The following ZFP14 variants were observed in gnomAD, a reference collection of about 807,000 sequenced individuals.
The protein encoded by ZFP14 is zinc finger protein 14 homolog.
A neutral mutation model predicts 54.5 loss-of-function variants in ZFP14; 22 were observed. The ratio of observed to expected loss-of-function variants is 0.40; its 90% CI spans 0.29 to 0.58. ZFP14 has a LOEUF of 0.58. Ranked by LOEUF, ZFP14 falls within the 20% of genes least tolerant of loss-of-function variation. The probability of loss-of-function intolerance (pLI) is 0.39; values close to 1 mark genes in which losing one functional copy is unlikely to be tolerated. For synonymous variants in ZFP14, 159 were observed against 204.0 expected (o/e 0.78, Z 1.88); for missense variants, 470 against 637.8 (o/e 0.74, Z 2.83).
intron 1 of ZFP14, among the ~76,000 whole-genome samples, chr19:36,370,614 A>C (rs1237465932): frequency 6.6e-6 from 1 of 152,252 alleles, no homozygotes; most frequent in Admixed American, 6.5e-5. Flanking sequence ...AGCGTGCCCC[A>C]GCACTGCACC....
At chr19:36,363,490 C>T (rs1289053568) in intron 2 of ZFP14, among the ~76,000 whole-genome samples, 3 of 151,902 alleles carry the variant, frequency 2.0e-5, no homozygotes, top group African/African-American at 7.2e-5. Flanking sequence ...CCACCGCGCC[C>T]GGCCCCCTGT....
chr19:36,349,526 C>T (rs1350922372), intron 4 of ZFP14, among the ~76,000 whole-genome samples: 3 of 150,518 alleles, frequency 2.0e-5, no homozygotes, highest in Non-Finnish European at 3.0e-5. Context: ...ATTAGCCAGG[C>T]GTGGTGGTGT....
chr19:36,358,045 GATCTATCTATCT>G lies in ZFP14; in HGVS notation c.235+2378_235+2389del, dbSNP rs34306634. Among the ~76,000 whole-genome samples, 114 of 141,758 alleles carry G rather than the reference GATCTATCTATCT, an allele frequency of 8.0e-4. No individual in the cohort carries two copies. In the South Asian group the frequency reaches 8.4e-3, roughly 10 times the overall value. The allele number at this position is 141,758 out of a possible 152,430, so 93.0% of individuals were successfully genotyped here. A position where few individuals can be genotyped will look rare whatever the true frequency, so the allele number is the denominator to read the frequency against. On this transcript the variant is annotated intron_variant, in intron 4 of 4. Transcript: ENST00000270001. ...GGCATGAGCCACCATGCCCGGCTCT[GATCTATCTATCT>G]ATCTATCTATCTATCTATCTATCTA...
rs1403368170 is a variant in ZFP14 at position 36,340,567 on chromosome 19, C to A, written c.1259G>T (p.Gly420Val). Residue 420 changes from glycine (G) to valine (V), a missense_variant, in exon 5 of 5, where the codon GGT becomes GTT. Physicochemically the swap from Gly to Val is moderately radical, Grantham distance 109 (BLOSUM62 -3). Coordinates refer to ENST00000270001, the MANE Select transcript of ZFP14 (RefSeq NM_020917.3). The surrounding 1 kb of genome is among the most constrained non-coding windows in gnomAD (Gnocchi z 5.4). ...CTCTTCACATTCATAGGGTCTCTCA[C>A]CAATATGAATGCTCTGGTGTGAAAT... ...QLISHQSIHIGERPYECEECG... is the reference protein window; with the variant it reads ...QLISHQSIHIVERPYECEECG... 6.2e-7 allele frequency: 1 copy of A among 1,613,926 alleles called. No individual in the cohort carries two copies. Among genetic ancestry groups the A allele is most frequent in the Non-Finnish European group, 8.5e-7 (1 of 1,179,982 alleles).
intron 4 of ZFP14, among the ~76,000 whole-genome samples, chr19:36,356,447 A>G (rs2031615513): frequency 6.6e-6 from 1 of 151,946 alleles, no homozygotes; most frequent in African/African-American, 2.4e-5. Flanking sequence ...AAAGAAAGAA[A>G]TTAATGTTGG....
intron 4 of ZFP14, chr19:36,360,009 C>T (rs1418104462): frequency 1.3e-5 from 2 of 152,192 alleles, no homozygotes; most frequent in Non-Finnish European, 2.9e-5. Context: ...CTCTTTCATT[C>T]CTGATGTTAG....
At chr19:36,357,748 GTTTTTT>G (rs113818091) in intron 4 of ZFP14, among the ~76,000 whole-genome samples, 86 of 142,382 alleles carry the variant, frequency 6.0e-4, no homozygotes, top group African/African-American at 2.2e-3. Context: ...TTTGTTTTTT[GTTTTTT>G]TTTTTGAGAT....
chr19:36,341,239 C>G lies in ZFP14; in HGVS notation c.587G>C (p.Gly196Ala). The part of the protein sequence containing the change: ...TLSQHLRIHT[G>A]EKPYKCKECG... ...TTCCTTACACTTATAAGGTTTCTCA[C>G]CAGTATGAATTCTCAGGTGTTGACT... is the stretch of plus-strand genomic sequence containing the variant. Residue 196 changes from glycine to alanine, a missense_variant, in exon 5 of 5, where the codon GGT becomes GCT. Physicochemically the swap from Gly to Ala is moderately conservative, Grantham distance 60 (BLOSUM62 0). Transcript: ENST00000270001. The surrounding 1 kb of genome is among the most constrained non-coding windows in gnomAD (Gnocchi z 4.2). The G allele has an allele frequency of 6.2e-7, 1 of 1,614,156 alleles. No homozygotes were observed. Among genetic ancestry groups the G allele is most frequent in the Non-Finnish European group, 8.5e-7 (1 of 1,180,032 alleles).
At chr19:36,344,141 T>C (rs1267411094) in intron 4 of ZFP14, among the ~76,000 whole-genome samples, 1 of 152,184 alleles carries the variant, frequency 6.6e-6, no homozygotes, top group African/African-American at 2.4e-5. Context: ...TAGCTGGGAT[T>C]ACAGGCACCC....
intron 4 of ZFP14, among the ~76,000 whole-genome samples, chr19:36,354,254 C>G (rs1378566446): frequency 7.2e-6 from 1 of 138,300 alleles, no homozygotes; most frequent in East Asian, 2.1e-4. Context: ...ACCTGTAATC[C>G]CAGCTACTTA....
At chr19:36,355,362 A>G (rs2031596037) in intron 4 of ZFP14, among the ~76,000 whole-genome samples, 1 of 142,204 alleles carries the variant, frequency 7.0e-6, no homozygotes, top group African/African-American at 2.6e-5. Flanking sequence ...GTCCTAATCC[A>G]CTAGAATTAC....
rs1455342608 is a variant in ZFP14, at chr19:36,360,986, T to G, written c.137-453A>C. On this transcript the variant is annotated intron_variant, in intron 3 of 4. Transcript: ENST00000270001. Reference sequence around the variant, plus strand: ...CGTTGTTGTGAGGGTTAATTAATAATGAACAATGCTTAGAATAATGTTTAA... The same window carrying G: ...CGTTGTTGTGAGGGTTAATTAATAAGGAACAATGCTTAGAATAATGTTTAA... Among the ~76,000 whole-genome samples the G allele has an allele frequency of 9.8e-5, 15 of 152,326 alleles. No individual in the cohort carries two copies. In the East Asian group the frequency reaches 2.5e-3, roughly 25 times the overall value.
chr19:36,370,179 A>T (rs978297807), intron 1 of ZFP14, among the ~76,000 whole-genome samples: 3 of 152,206 alleles, frequency 2.0e-5, no homozygotes, highest in Non-Finnish European at 4.4e-5. Flanking sequence ...TAAGAAAAGA[A>T]GCATTGAAGA....
rs775139365 is a variant in ZFP14, at chr19:36,341,009, G to A, written c.817C>T (p.Arg273Ter). The change falls in exon 5 of 5, where the codon CGA becomes TGA. Residue 273 changes from arginine to a stop codon, truncating the protein, a stop_gained. Coordinates refer to ENST00000270001, the MANE Select transcript of ZFP14 (RefSeq NM_020917.3). LOFTEE classifies it high-confidence loss of function. The surrounding 1 kb of genome is among the most constrained non-coding windows in gnomAD (Gnocchi z 4.2). ...KAFRVHQQLA[R>*]HQRIHTGEKP... ...TCACCAGTGTGAATTCTCTGATGTCGAGCCAGTTGCTGATGTACTCTAAAG... is the reference window on the plus strand; with the variant it reads ...TCACCAGTGTGAATTCTCTGATGTCAAGCCAGTTGCTGATGTACTCTAAAG... 5 of 1,613,902 alleles carry A rather than the reference G, an allele frequency of 3.1e-6. No individual in the cohort carries two copies. Among genetic ancestry groups the A allele is most frequent in the Admixed American group, 3.3e-5 (2 of 60,002 alleles).
At chr19:36,358,869 T>G (rs1371814895) in intron 4 of ZFP14, among the ~76,000 whole-genome samples, 1 of 152,200 alleles carries the variant, frequency 6.6e-6, no homozygotes, top group Admixed American at 6.6e-5. Context: ...TGGATGAACC[T>G]ATTCATGGAT....
intron 4 of ZFP14, among the ~76,000 whole-genome samples, chr19:36,358,869 T>C (rs1371814895): frequency 2.0e-5 from 3 of 152,200 alleles, no homozygotes; most frequent in Non-Finnish European, 4.4e-5. Context: ...TGGATGAACC[T>C]ATTCATGGAT....
chr19:36,371,092 C>G (rs2031870863), intron 1 of ZFP14, among the ~76,000 whole-genome samples: 1 of 152,094 alleles, frequency 6.6e-6, no homozygotes. Context: ...GAAACCCCAT[C>G]TCTACTAAAA....
chr19:36,360,622 A>G (rs1006849963), intron 3 of ZFP14, 89 bp from the exon 4 acceptor site: 4 of 1,178,782 alleles, frequency 3.4e-6, no homozygotes, highest in African/African-American at 3.1e-5. Flanking sequence ...CTACAGATCA[A>G]TATGGCACTT....
intron 4 of ZFP14, 76 bp downstream of exon 4, chr19:36,360,359 G>T: frequency 7.6e-7 from 1 of 1,322,092 alleles, no homozygotes. Context: ...ACATCTCAAG[G>T]GTGTGCCTCC....
Sources: allele counts gnomAD v4.1 joint callset (sites outside exome capture counted in the v4.1 genomes callset), GRCh38; gene constraint gnomAD v4.1.1; non-coding constraint Gnocchi (gnomAD v3.1); transcripts MANE v1.5; gene names NCBI Gene and HGNC (gene_info 2026-07-23, HGNC 2026-07-21).